Variants in CNTNAP2 observed in about 807,000 individuals in gnomAD.
CNTNAP2 encodes contactin-associated protein-like 2.
A neutral mutation model predicts 155.2 loss-of-function variants in CNTNAP2; 98 were observed. That is an observed-to-expected ratio of 0.63 (90% CI 0.54 to 0.75). The LOEUF (loss-of-function observed/expected upper bound fraction) is 0.75. Among genes scored for constraint, CNTNAP2 ranks in the 30% least tolerant of loss-of-function variants. The pLI, the probability that CNTNAP2 is intolerant of heterozygous loss-of-function variation, is 0.00. For missense variants in CNTNAP2, 1,727 were observed against 1,688.1 expected (o/e 1.02, Z -0.40); for synonymous variants, 651 against 631.2 (o/e 1.03, Z -0.47).
At chr7:146,712,304 CTATATAGT>C (rs1801104389) in intron 1 of CNTNAP2, among the ~76,000 whole-genome samples, 1 of 122,018 alleles carries the variant, frequency 8.2e-6, no homozygotes, top group African/African-American at 3.7e-5. Context: ...CTTATGTATA[CTATATAGT>C]ATACATATCT....
At chr7:146,652,908 C>G (rs1423189360) in intron 1 of CNTNAP2, among the ~76,000 whole-genome samples, 1 of 152,132 alleles carries the variant, frequency 6.6e-6, no homozygotes, top group Non-Finnish European at 1.5e-5. Context: ...TTGTCACTAT[C>G]TTGCTTCCAT....
At position 147,271,859 on chromosome 7, in the gene CNTNAP2, G is replaced by A. The variant is rs547940067; in HGVS notation, c.1349-28282G>A. Among the ~76,000 whole-genome samples the A allele has an allele frequency of 3.3e-5, 5 of 152,194 alleles. No individual in the cohort carries two copies. The South Asian group carries it at 6.2e-4, about 19-fold the overall frequency. On this transcript the variant is annotated intron_variant, in intron 8 of 23. Transcript: ENST00000361727. Reference sequence around the variant, plus strand: ...GGACATAGCCAAATGATATCACTCTGCTTCTTCAAATCTCTAGTAATTTGA... The same window carrying A: ...GGACATAGCCAAATGATATCACTCTACTTCTTCAAATCTCTAGTAATTTGA...
At chr7:147,556,071 T>G (rs1799946347) in intron 11 of CNTNAP2, among the ~76,000 whole-genome samples, 2 of 152,204 alleles carry the variant, frequency 1.3e-5, no homozygotes, top group Non-Finnish European at 2.9e-5. Flanking sequence ...TAACAGAATT[T>G]CTCTGTCACA....
At chr7:147,160,874 A>G (rs1205732924) in intron 8 of CNTNAP2, among the ~76,000 whole-genome samples, 1 of 152,174 alleles carries the variant, frequency 6.6e-6, no homozygotes, top group Non-Finnish European at 1.5e-5. Flanking sequence ...GAAGCAATGA[A>G]TCTGCTGAGT....
At chr7:146,522,390 G>A (rs905200434) in intron 1 of CNTNAP2, among the ~76,000 whole-genome samples, 4 of 152,002 alleles carry the variant, frequency 2.6e-5, no homozygotes, top group African/African-American at 4.8e-5. Flanking sequence ...ACTGCAATGT[G>A]TCAGAACTCT....
chr7:146,724,746 T>A (rs1050818744), intron 1 of CNTNAP2, among the ~76,000 whole-genome samples: 2 of 151,778 alleles, frequency 1.3e-5, no homozygotes, highest in Non-Finnish European at 2.9e-5. Context: ...AATTTTTGTA[T>A]TTTTAGTAGC....
chr7:146,206,418 G>A (rs1438007985), intron 1 of CNTNAP2, among the ~76,000 whole-genome samples: 1 of 151,838 alleles, frequency 6.6e-6, no homozygotes, highest in South Asian at 2.1e-4. Flanking sequence ...TATCAAAGCT[G>A]TCTTGGATGC....
At position 148,229,742 on chromosome 7, in the gene CNTNAP2, T is replaced by C. The variant is rs757813902; in HGVS notation, c.3344T>C (p.Val1115Ala). The C allele has an allele frequency of 1.1e-5, 17 of 1,614,020 alleles. No individual in the cohort carries two copies. The South Asian group carries it at 1.5e-4, about 15-fold the overall frequency. ...RNMANGQPHS[V>A]NITRHEKTIF... Reference sequence around the variant, plus strand: ...ATGGCCAATGGACAGCCCCACAGTGTCAACATCACCCGCCACGAGAAGACC... The same window carrying C: ...ATGGCCAATGGACAGCCCCACAGTGCCAACATCACCCGCCACGAGAAGACC... The change falls in exon 20 of 24, where the codon GTC (valine) becomes GCC (alanine). Residue 1115 changes from valine (V) to alanine (A), a missense_variant. Physicochemically the swap from Val to Ala is moderately conservative, Grantham distance 64. Transcript: ENST00000361727.
intron 22 of CNTNAP2, among the ~76,000 whole-genome samples, chr7:148,387,444 T>C (rs892444947): frequency 6.6e-6 from 1 of 152,148 alleles, no homozygotes; most frequent in African/African-American, 2.4e-5. Flanking sequence ...TGTGTAGGGT[T>C]AGGATGGAAA....
chr7:146,261,816 T>A (rs1359006619), intron 1 of CNTNAP2, among the ~76,000 whole-genome samples: 2 of 152,200 alleles, frequency 1.3e-5, no homozygotes, highest in Non-Finnish European at 2.9e-5. Context: ...TGAAAATGTA[T>A]CCTGTAATAC....
chr7:146,301,795 G>T (rs1800615823), intron 1 of CNTNAP2, among the ~76,000 whole-genome samples: 1 of 152,260 alleles, frequency 6.6e-6, no homozygotes, highest in South Asian at 2.1e-4. Flanking sequence ...ATAAACACGG[G>T]AGGGACAGCC....
intron 1 of CNTNAP2, among the ~76,000 whole-genome samples, chr7:146,384,924 G>T (rs763446783): frequency 9.9e-5 from 15 of 152,104 alleles, no homozygotes; most frequent in Non-Finnish European, 4.4e-5. Flanking sequence ...GCGGTAAATG[G>T]GATGATCTGG....
At chr7:147,096,503 A>T (rs1800537687) in intron 4 of CNTNAP2, among the ~76,000 whole-genome samples, 1 of 152,162 alleles carries the variant, frequency 6.6e-6, no homozygotes. Flanking sequence ...TTGATTTTCT[A>T]ATCAGGGAAA....
intron 9 of CNTNAP2, among the ~76,000 whole-genome samples, chr7:147,351,440 C>G (rs1019789206): frequency 6.6e-6 from 1 of 151,646 alleles, no homozygotes; most frequent in Non-Finnish European, 1.5e-5. Context: ...AGAAAAATAG[C>G]ATCTGAGCAG....
At chr7:148,321,949 T>C (rs1181499793) in intron 21 of CNTNAP2, among the ~76,000 whole-genome samples, 1 of 150,780 alleles carries the variant, frequency 6.6e-6, no homozygotes, top group African/African-American at 2.4e-5. Context: ...CAGGCTAGAG[T>C]GTGGAGTGCA....
intron 3 of CNTNAP2, among the ~76,000 whole-genome samples, chr7:146,843,791 T>A (rs910275693): frequency 3.3e-5 from 5 of 151,674 alleles, no homozygotes; most frequent in African/African-American, 1.2e-4. Flanking sequence ...AATACTAGAG[T>A]TTTTTAATCC....
chr7:147,263,698 A>G (rs1334839505), intron 8 of CNTNAP2, among the ~76,000 whole-genome samples: 1 of 152,210 alleles, frequency 6.6e-6, no homozygotes, highest in African/African-American at 2.4e-5. Context: ...GGAGTGAAGC[A>G]GACTGAGGGG....
chr7:147,055,796 A>G (rs1408436923), intron 4 of CNTNAP2, among the ~76,000 whole-genome samples: 2 of 151,974 alleles, frequency 1.3e-5, no homozygotes, highest in Admixed American at 6.6e-5. Context: ...GAAGCCCAAT[A>G]CTCAAGGAGA....
At chr7:146,337,700 G>A (rs1199516310) in intron 1 of CNTNAP2, among the ~76,000 whole-genome samples, 1 of 152,090 alleles carries the variant, frequency 6.6e-6, no homozygotes, top group Non-Finnish European at 1.5e-5. Flanking sequence ...AAACTCCTGG[G>A]TTCAAGCGGT....
Sources: allele counts gnomAD v4.1 joint callset (sites outside exome capture counted in the v4.1 genomes callset), GRCh38; gene constraint gnomAD v4.1.1; transcripts MANE v1.5; gene names NCBI Gene and HGNC (gene_info 2026-07-23, HGNC 2026-07-21).